Variants in PGM5 observed in about 807,000 individuals in gnomAD.
PGM5 encodes phosphoglucomutase 5.
In PGM5, 23 loss-of-function variants were observed where a neutral mutation model predicts 59.2. The ratio of observed to expected loss-of-function variants is 0.39; its 90% CI spans 0.28 to 0.55. The LOEUF (loss-of-function observed/expected upper bound fraction) is 0.55, where lower values mean the gene tolerates loss of function less well. Ranked by LOEUF, PGM5 falls within the 20% of genes least tolerant of loss-of-function variation. The pLI, the probability that PGM5 is intolerant of heterozygous loss-of-function variation, is 0.66. For synonymous variants in PGM5, 214 were observed against 286.0 expected (o/e 0.75, Z 2.54); for missense variants, 574 against 748.3 (o/e 0.77, Z 2.72).
intron 3 of PGM5, among the ~76,000 whole-genome samples, chr9:68,385,456 T>TG (rs1320092260): frequency 5.5e-5 from 7 of 126,328 alleles, no homozygotes; most frequent in East Asian, 2.3e-4. Context: ...ATGGATTGTG[T>TG]GGGGGGTCAC....
intron 6 of PGM5, among the ~76,000 whole-genome samples, chr9:68,454,458 T>A (rs1168594904): frequency 1.3e-5 from 2 of 152,148 alleles, no homozygotes; most frequent in East Asian, 3.9e-4. Context: ...TGAAGTGGCC[T>A]GGTGCTTGAA....
chr9:68,431,325 T>C (rs1164353656), intron 6 of PGM5, among the ~76,000 whole-genome samples: 3 of 152,164 alleles, frequency 2.0e-5, no homozygotes, highest in African/African-American at 7.2e-5. Context: ...TTCTCCTGTT[T>C]CTGTATCACA....
At position 68,511,746 on chromosome 9, in the gene PGM5, TCAC is replaced by T. The variant is rs1824755452; in HGVS notation, c.1614+12391_1614+12393del. 3.3e-5 allele frequency among the ~76,000 whole-genome samples: 5 copies of T among 152,016 alleles called. No homozygotes were observed. The South Asian group carries it at 1.0e-3, about 32-fold the overall frequency. ...TTGTATTTTTAGTAGAGAAGGGGTT[TCAC>T]CACCATTATTTTTATTAATAATGGT... On this transcript the variant is annotated intron_variant, in intron 10 of 10. Coordinates refer to ENST00000396396, the MANE Select transcript of PGM5 (RefSeq NM_021965.4).
intron 6 of PGM5, among the ~76,000 whole-genome samples, chr9:68,415,100 C>T (rs1823001311): frequency 6.7e-6 from 1 of 149,402 alleles, no homozygotes; most frequent in Admixed American, 6.6e-5. Context: ...GGAGCCAATT[C>T]TTCTCTGGAC....
intron 6 of PGM5, among the ~76,000 whole-genome samples, chr9:68,424,299 T>G (rs1419067121): frequency 2.0e-5 from 3 of 152,158 alleles, no homozygotes; most frequent in African/African-American, 4.8e-5. Context: ...GAAATTTATT[T>G]CTCACAGTAC....
At chr9:68,518,010 G>C (rs944145474) in intron 10 of PGM5, among the ~76,000 whole-genome samples, 1 of 152,228 alleles carries the variant, frequency 6.6e-6, no homozygotes, top group Non-Finnish European at 1.5e-5. Flanking sequence ...ACCGGCATCA[G>C]GTCCAGGTGG....
intron 6 of PGM5, among the ~76,000 whole-genome samples, chr9:68,459,961 T>C (rs1554685252): frequency 6.6e-6 from 1 of 152,176 alleles, no homozygotes; most frequent in Non-Finnish European, 1.5e-5. Context: ...TTCTAATCTG[T>C]GTATTTGAGG....
intron 9 of PGM5, among the ~76,000 whole-genome samples, chr9:68,485,549 C>G (rs1261781292): frequency 2.0e-5 from 3 of 152,196 alleles, no homozygotes; most frequent in African/African-American, 7.2e-5. Flanking sequence ...TTGCTCCTCC[C>G]TCGCCTTCCA....
At chr9:68,477,204 C>T (rs971844937) in intron 7 of PGM5, among the ~76,000 whole-genome samples, 19 of 152,206 alleles carry the variant, frequency 1.2e-4, no homozygotes, top group African/African-American at 4.1e-4. Flanking sequence ...GCAACCACAA[C>T]TGGACATCCA....
At chr9:68,443,217 A>G (rs1282514577) in intron 6 of PGM5, among the ~76,000 whole-genome samples, 2 of 152,212 alleles carry the variant, frequency 1.3e-5, no homozygotes, top group African/African-American at 4.8e-5. Context: ...GATACACACA[A>G]CTTGGATGCA....
At chr9:68,432,904 G>T (rs944455760) in intron 6 of PGM5, among the ~76,000 whole-genome samples, 5 of 152,146 alleles carry the variant, frequency 3.3e-5, no homozygotes, top group Non-Finnish European at 5.9e-5. Context: ...ACTGCGCCTG[G>T]CCTAAATGAA....
chr9:68,501,731 A>T (rs2132106989), intron 10 of PGM5, among the ~76,000 whole-genome samples: 1 of 152,130 alleles, frequency 6.6e-6, no homozygotes, highest in East Asian at 1.9e-4. Context: ...TACCCACTCT[A>T]ACCCAATAGC....
intron 9 of PGM5, among the ~76,000 whole-genome samples, chr9:68,489,710 G>A (rs1245542176): frequency 2.6e-5 from 4 of 151,812 alleles, no homozygotes; most frequent in South Asian, 2.1e-4. Flanking sequence ...CAAGTGATCC[G>A]CCCACCTCGG....
intron 1 of PGM5, among the ~76,000 whole-genome samples, chr9:68,364,081 T>C (rs1425992085): frequency 1.3e-5 from 2 of 152,246 alleles, no homozygotes; most frequent in Admixed American, 1.3e-4. Flanking sequence ...TGTTGACTAG[T>C]CATGCCCTTT....
At chr9:68,362,865 C>CT (rs1163826772) in intron 1 of PGM5, among the ~76,000 whole-genome samples, 2,780 of 96,776 alleles carry the variant, frequency 0.029, 71 homozygotes, top group Non-Finnish European at 0.04. Flanking sequence ...TTTTCTTTTT[C>CT]TTTTTTTTTT....
chr9:68,411,400 C>T (rs1337773022), intron 6 of PGM5, among the ~76,000 whole-genome samples: 2 of 135,272 alleles, frequency 1.5e-5, no homozygotes, highest in Non-Finnish European at 3.1e-5. Flanking sequence ...TATATACACA[C>T]ACATATATAC....
intron 6 of PGM5, chr9:68,398,337 A>G (rs1822567991): frequency 6.6e-6 from 1 of 152,128 alleles, no homozygotes. Flanking sequence ...GGCACCCTCA[A>G]AAAGGTCTTA....
chr9:68,499,717 G>A (rs1289098794), intron 10 of PGM5, among the ~76,000 whole-genome samples: 8 of 152,142 alleles, frequency 5.3e-5, no homozygotes, highest in Non-Finnish European at 8.8e-5. Context: ...CCTTGACTAC[G>A]CTTATGTAAC....
At chr9:68,499,111 C>G (rs1380877437) in intron 9 of PGM5, 116 bp from the exon 10 acceptor site, 25 of 1,122,306 alleles carry the variant, frequency 2.2e-5, no homozygotes, top group Non-Finnish European at 3.0e-5. Flanking sequence ...TATAAATGGT[C>G]TTGATTCTGA....
Sources: gnomAD v4.1 joint callset for allele counts (sites outside exome capture counted in the v4.1 genomes callset) on GRCh38, gnomAD v4.1.1 for gene constraint, MANE v1.5 for transcripts, NCBI Gene and HGNC (gene_info 2026-07-23, HGNC 2026-07-21) for gene names.